Variants in RNF175 observed in about 807,000 individuals in gnomAD.
The protein encoded by RNF175 is ring finger protein 175.
In RNF175, 38 loss-of-function variants were observed where a neutral mutation model predicts 50.0. That is an observed-to-expected ratio of 0.76 (90% CI 0.59 to 1.00). The LOEUF (loss-of-function observed/expected upper bound fraction) is 1.00. Ranked by LOEUF, RNF175 falls within the 50% of genes least tolerant of loss-of-function variation. The pLI, the probability that RNF175 is intolerant of heterozygous loss-of-function variation, is 0.00. For missense variants in RNF175, 388 were observed against 409.6 expected, an observed-to-expected ratio of 0.95 and a Z score of 0.46; for synonymous variants, 155 against 146.1, an observed-to-expected ratio of 1.06 and a Z score of -0.44.
chr4:153,751,719 G>A (rs1740300020), intron 1 of RNF175, among the ~76,000 whole-genome samples: 1 of 152,180 alleles, frequency 6.6e-6, no homozygotes, highest in African/African-American at 2.4e-5. Context: ...AGAATCAGAT[G>A]AGGCTCCATT....
At chr4:153,711,134 G>A (rs1170573623) in intron 8 of RNF175, among the ~76,000 whole-genome samples, 1 of 152,052 alleles carries the variant, frequency 6.6e-6, no homozygotes, top group Non-Finnish European at 1.5e-5. Context: ...TATCACTTGA[G>A]GTGACATTTA....
chr4:153,756,196 G>C (rs1028276784), intron 1 of RNF175, among the ~76,000 whole-genome samples: 1 of 152,118 alleles, frequency 6.6e-6, no homozygotes, highest in African/African-American at 2.4e-5. Flanking sequence ...TTCCTTGTCT[G>C]ATCAGTAGCC....
At chr4:153,745,580 C>T (rs1405185534) in intron 3 of RNF175, 1 of 152,200 alleles carries the variant, frequency 6.6e-6, no homozygotes, top group Non-Finnish European at 1.5e-5. Flanking sequence ...AATGAAACAA[C>T]ATTAGACAGT....
chr4:153,748,664 CTCTG>C lies in RNF175; in HGVS notation c.223_226del (p.Gln75GlyfsTer9). ...ACTCACATTGTAGGATCGGCCATGC[CTCTG>C]TCTCCACTGAACCAGCACTATCTGG... On this transcript the variant is annotated frameshift_variant, in exon 3 of 9. Transcript: ENST00000347063. LOFTEE classifies it high-confidence loss of function. 1 of 1,598,480 alleles carries C rather than the reference CTCTG, an allele frequency of 6.3e-7. No individual in the cohort carries two copies. The highest frequency in any genetic ancestry group is 8.5e-7 in the Non-Finnish European group (1 of 1,172,568).
At chr4:153,746,839 G>C (rs1304399396) in intron 3 of RNF175, among the ~76,000 whole-genome samples, 1 of 152,238 alleles carries the variant, frequency 6.6e-6, no homozygotes, top group African/African-American at 2.4e-5. Context: ...AACATCCTTT[G>C]AAATCTAAGT....
chr4:153,727,114 G>T (rs1738744335), intron 4 of RNF175, among the ~76,000 whole-genome samples: 1 of 152,128 alleles, frequency 6.6e-6, no homozygotes, highest in South Asian at 2.1e-4. Context: ...ATGAAAACAA[G>T]CACATTTTGA....
Position 153,748,699 on chromosome 4 carries a change from G to A in RNF175, c.192C>T (p.Val64=). ...ACTGAACCAGCACTATCTGGGCAATGACCAGAACGCAGAGGAAGATCAAGA... is the reference window on the plus strand; with the variant it reads ...ACTGAACCAGCACTATCTGGGCAATAACCAGAACGCAGAGGAAGATCAAGA... The part of the protein sequence containing the change: ...EMILIFLCVL[V]IAQIVLVQWR... The change falls in exon 3 of 9, where the codon GTC becomes GTT. Residue 64 remains valine (V), a synonymous_variant. Coordinates refer to ENST00000347063, the MANE Select transcript of RNF175 (RefSeq NM_173662.4). The A allele has an allele frequency of 3.7e-6, 6 of 1,607,122 alleles. No homozygotes were observed. Among genetic ancestry groups the A allele is most frequent in the Non-Finnish European group, 5.1e-6 (6 of 1,176,882 alleles).
chr4:153,746,177 G>A (rs1739958894), intron 3 of RNF175, among the ~76,000 whole-genome samples: 1 of 152,256 alleles, frequency 6.6e-6, no homozygotes, highest in Non-Finnish European at 1.5e-5. Context: ...AGGTCAGGCA[G>A]AGGATAGATA....
chr4:153,727,968 T>TGAAGA (rs1738802852), intron 4 of RNF175, among the ~76,000 whole-genome samples: 1 of 152,232 alleles, frequency 6.6e-6, no homozygotes, highest in Non-Finnish European at 1.5e-5. Context: ...TTCTTCTGCA[T>TGAAGA]TTCACTAGCT....
intron 6 of RNF175, among the ~76,000 whole-genome samples, chr4:153,717,588 T>G (rs1255793953): frequency 6.6e-6 from 1 of 152,084 alleles, no homozygotes; most frequent in Non-Finnish European, 1.5e-5. Flanking sequence ...TATCTATCCA[T>G]GTATATCTAT....
intron 1 of RNF175, among the ~76,000 whole-genome samples, chr4:153,757,067 C>G (rs1740602343): frequency 6.6e-6 from 1 of 152,208 alleles, no homozygotes; most frequent in Non-Finnish European, 1.5e-5. Flanking sequence ...CCTGCACACC[C>G]TCTGCTCCAG....
rs183981672 is a variant in RNF175, at chr4:153,715,678, G to A, written c.631-16C>T. On this transcript the variant is annotated splice_polypyrimidine_tract_variant and intron_variant, in intron 6 of 8. Transcript: ENST00000347063. ...CACTGTAGAACTATCAGAGGAAATG[G>A]ACAGAGCACAGTCAGAAAGGAGAGC... 4.0e-4 allele frequency: 639 copies of A among 1,611,400 alleles called. 5 individuals are homozygous for A. The African/African-American group carries it at 7.4e-3, about 19-fold the overall frequency.
intron 2 of RNF175, among the ~76,000 whole-genome samples, chr4:153,749,438 A>T (rs1354370768): frequency 1.3e-5 from 2 of 152,204 alleles, no homozygotes; most frequent in Non-Finnish European, 2.9e-5. Flanking sequence ...CAGAGGAGAG[A>T]ATATTATCCA....
intron 3 of RNF175, 118 bp downstream of exon 3, chr4:153,748,527 T>A: frequency 1.1e-6 from 1 of 893,372 alleles, no homozygotes; most frequent in South Asian, 2.5e-5. Context: ...TGAGAACCAC[T>A]GACTTAAACC....
At position 153,728,333 on chromosome 4, in the gene RNF175, AC is replaced by A; in HGVS notation, c.274del (p.Val92SerfsTer7). 1 of 1,613,832 alleles carries A rather than the reference AC, an allele frequency of 6.2e-7. No individual in the cohort carries two copies. The highest frequency in any genetic ancestry group is 8.5e-7 in the Non-Finnish European group (1 of 1,179,740). On this transcript the variant is annotated frameshift_variant, in exon 4 of 9. Coordinates refer to ENST00000347063, the MANE Select transcript of RNF175 (RefSeq NM_173662.4). LOFTEE classifies it high-confidence loss of function. ...TAATTTTATCGTGAAATATAAGGGG[AC>A]AACCCACATCTGCAACAAGGTCACC... ...NLVTLLQMWV[V>X]PLYFTIKLYW...
rs1432041353 is a variant in RNF175 at position 153,748,787 on chromosome 4, C to T, written c.105-1G>A. The T allele has an allele frequency of 6.2e-7, 1 of 1,610,328 alleles. No homozygotes were observed. Among genetic ancestry groups the T allele is most frequent in the Non-Finnish European group, 8.5e-7 (1 of 1,178,308 alleles). ...CTTGTACATCCTCTCCTGCTGCAGG[C>T]TGGAACCAGCAAAATGAGGTCATCT... On this transcript the variant is annotated splice_acceptor_variant, in intron 2 of 8. Transcript: ENST00000347063. LOFTEE classifies it high-confidence loss of function.
intron 2 of RNF175, 21 bp from the exon 3 acceptor site, chr4:153,748,807 T>C: frequency 6.2e-7 from 1 of 1,603,402 alleles, no homozygotes; most frequent in Non-Finnish European, 8.5e-7. Flanking sequence ...CAAAATGAGG[T>C]CATCTGAAAA....
At chr4:153,735,831 A>G (rs1353143804) in intron 3 of RNF175, among the ~76,000 whole-genome samples, 1 of 152,112 alleles carries the variant, frequency 6.6e-6, no homozygotes, top group Non-Finnish European at 1.5e-5. Context: ...ACTTTTGTAT[A>G]TTTACTTTGT....
chr4:153,738,716 A>C (rs921060534), intron 3 of RNF175, among the ~76,000 whole-genome samples: 4 of 152,182 alleles, frequency 2.6e-5, no homozygotes, highest in Non-Finnish European at 4.4e-5. Flanking sequence ...TCACATTTGA[A>C]GTGATTATTG....
Sources: gnomAD v4.1 joint callset for allele counts (sites outside exome capture counted in the v4.1 genomes callset) on GRCh38, gnomAD v4.1.1 for gene constraint, MANE v1.5 for transcripts, NCBI Gene and HGNC (gene_info 2026-07-23, HGNC 2026-07-21) for gene names.